The following CNIH3 variants were observed in gnomAD, a reference collection of about 807,000 sequenced individuals.
The protein encoded by CNIH3 is protein cornichon homolog 3.
Under a neutral mutation model 24.1 loss-of-function variants are expected in CNIH3, and 14 were observed. The ratio of observed to expected loss-of-function variants is 0.58; its 90% CI spans 0.38 to 0.91. CNIH3 has a LOEUF of 0.91. CNIH3 is among the 40% of genes least tolerant of loss of function. CNIH3 has a pLI of 0.00. For synonymous variants in CNIH3, 68 were observed against 73.8 expected (o/e 0.92, Z 0.40); for missense variants, 178 against 196.8 (o/e 0.90, Z 0.57).
In CNIH3 at chr1:224,684,236, C is replaced by G. The variant is rs1369642835; in HGVS notation, c.151-560C>G. ...GCAGTGAGCCAGGCCTTGACAGACT[C>G]GAACTTCTTAAAAAGCCTTAGCCTG... On this transcript the variant is annotated intron_variant, in intron 2 of 5. Coordinates refer to ENST00000272133, the MANE Select transcript of CNIH3 (RefSeq NM_152495.2). The surrounding 1 kb of genome is among the most constrained non-coding windows in gnomAD (Gnocchi z 4.2). Among the ~76,000 whole-genome samples, 1 of 152,234 alleles carries G rather than the reference C, an allele frequency of 6.6e-6. No homozygotes were observed. Among genetic ancestry groups the G allele is most frequent in the Admixed American group, 6.5e-5 (1 of 15,292 alleles).
chr1:224,738,415 C>T (rs1230520098), intron 5 of CNIH3, among the ~76,000 whole-genome samples: 18 of 152,140 alleles, frequency 1.2e-4, no homozygotes, highest in Non-Finnish European at 1.8e-4. Flanking sequence ...CAGGTCTGAC[C>T]AGTGGTTCTC....
At chr1:224,607,827 A>T (rs959911295) in intron 3 of CNIH3, among the ~76,000 whole-genome samples, 1 of 152,164 alleles carries the variant, frequency 6.6e-6, no homozygotes, top group Non-Finnish European at 1.5e-5. Context: ...CCCAGTTCCC[A>T]GCTTGCCCTT....
intron 1 of CNIH3, among the ~76,000 whole-genome samples, chr1:224,643,716 G>C (rs1413468731): frequency 6.6e-6 from 1 of 152,230 alleles, no homozygotes; most frequent in Non-Finnish European, 1.5e-5. Context: ...GGGGAACAGG[G>C]ACTCAGCAGA....
chr1:224,470,988 C>T (rs1676346060), intron 1 of CNIH3, among the ~76,000 whole-genome samples: 1 of 152,022 alleles, frequency 6.6e-6, no homozygotes, highest in Non-Finnish European at 1.5e-5. Context: ...TAAAAGTGTA[C>T]AATTAAATTA....
chr1:224,533,007 A>G (rs981610612), intron 2 of CNIH3, among the ~76,000 whole-genome samples: 1 of 152,228 alleles, frequency 6.6e-6, no homozygotes, highest in Non-Finnish European at 1.5e-5. Context: ...CATTTATGTA[A>G]TAAATATTAT....
intron 1 of CNIH3, among the ~76,000 whole-genome samples, chr1:224,641,884 A>G (rs894128066): frequency 1.3e-5 from 2 of 152,214 alleles, no homozygotes; most frequent in Non-Finnish European, 2.9e-5. Context: ...CTCAAGTTGT[A>G]TTTGTAAAAC....
intron 1 of CNIH3, among the ~76,000 whole-genome samples, chr1:224,619,066 C>A (rs766620753): frequency 6.6e-6 from 1 of 152,216 alleles, no homozygotes; most frequent in Non-Finnish European, 1.5e-5. Context: ...TGCAATACTT[C>A]ATTTGCTGTT....
intron 1 of CNIH3, among the ~76,000 whole-genome samples, chr1:224,452,085 C>T (rs1675422452): frequency 6.6e-6 from 1 of 151,884 alleles, no homozygotes; most frequent in Non-Finnish European, 1.5e-5. Flanking sequence ...GAAATTCCTC[C>T]ATGTTGCACT....
intron 3 of CNIH3, among the ~76,000 whole-genome samples, chr1:224,557,702 T>C (rs58166431): frequency 0.11 from 17,288 of 151,958 alleles, 3,110 homozygotes; most frequent in African/African-American, 0.38. Flanking sequence ...AATGATCCAC[T>C]TGCCTCGGCC....
intron 1 of CNIH3, among the ~76,000 whole-genome samples, chr1:224,457,532 T>C (rs1675727877): frequency 6.6e-6 from 1 of 150,678 alleles, no homozygotes; most frequent in Admixed American, 6.6e-5. Flanking sequence ...TTTTTTTTTT[T>C]TGTCTGTAGC....
intron 5 of CNIH3, among the ~76,000 whole-genome samples, chr1:224,737,258 C>G (rs938361210): frequency 6.6e-6 from 1 of 152,080 alleles, no homozygotes; most frequent in African/African-American, 2.4e-5. Context: ...GGCAGCTCCT[C>G]TCGGTTAGAT....
intron 1 of CNIH3, among the ~76,000 whole-genome samples, chr1:224,503,043 G>C (rs1005599422): frequency 6.6e-6 from 1 of 151,830 alleles, no homozygotes; most frequent in Non-Finnish European, 1.5e-5. Context: ...TCCCGGGGAG[G>C]GAGGGAGGGA....
downstream of CNIH3, among the ~76,000 whole-genome samples, chr1:224,541,227 G>A (rs370637244): frequency 3.9e-5 from 6 of 152,202 alleles, no homozygotes; most frequent in Admixed American, 2.0e-4. Context: ...GATGAGTACC[G>A]TGGTGGAGAT....
At chr1:224,501,118 A>G (rs1677647270) in intron 1 of CNIH3, among the ~76,000 whole-genome samples, 1 of 151,976 alleles carries the variant, frequency 6.6e-6, no homozygotes, top group Non-Finnish European at 1.5e-5. Flanking sequence ...TCTACTCTCT[A>G]AAGCATATCA....
chr1:224,616,343 G>GGCGGCGGCGGCGGCGGCGGCGGCGGCA lies in CNIH3; in HGVS notation c.-827_-826insGGCGGCGGCGGCGGCGGCGGCAGCGGC, dbSNP rs554519229. 15 of 492,572 alleles carry GGCGGCGGCGGCGGCGGCGGCGGCGGCA rather than the reference G, an allele frequency of 3.0e-5. 1 individual carries two copies. Among genetic ancestry groups the GGCGGCGGCGGCGGCGGCGGCGGCGGCA allele is most frequent in the African/African-American group, 2.8e-4 (13 of 46,834 alleles). The allele number at this position is 492,572 out of a possible 1,614,324, so 30.5% of individuals were successfully genotyped here. On this transcript the variant is annotated 5_prime_UTR_variant, in exon 1 of 6. Coordinates refer to ENST00000272133, the MANE Select transcript of CNIH3 (RefSeq NM_152495.2). ...CAGTGGCAAAGGCGGCGGCGGCGGC[G>GGCGGCGGCGGCGGCGGCGGCGGCGGCA]GCGGCAGCGGCAGCAGCAGGTGGAG...
At chr1:224,515,421 A>G (rs1678340218), upstream of CNIH3, among the ~76,000 whole-genome samples, 1 of 152,232 alleles carries the variant, frequency 6.6e-6, no homozygotes, top group African/African-American at 2.4e-5. Context: ...TTGTCAGCTA[A>G]TATCTTGAGC....
At chr1:224,666,713 T>A (rs61603030) in intron 1 of CNIH3, among the ~76,000 whole-genome samples, 37,489 of 152,130 alleles carry the variant, frequency 0.25, 4,900 homozygotes, top group East Asian at 0.36. Flanking sequence ...AACCACTGCA[T>A]TTTAGAAGTT....
At chr1:224,469,141 T>G (rs1378385827) in intron 1 of CNIH3, among the ~76,000 whole-genome samples, 2 of 152,132 alleles carry the variant, frequency 1.3e-5, no homozygotes, top group Non-Finnish European at 2.9e-5. Flanking sequence ...AGTTTAGTGG[T>G]GCAATCATGG....
chr1:224,666,032 C>T (rs1685583667), intron 1 of CNIH3, among the ~76,000 whole-genome samples: 1 of 152,116 alleles, frequency 6.6e-6, no homozygotes, highest in Non-Finnish European at 1.5e-5. Flanking sequence ...TGGCAGCTTT[C>T]CCAAGGAGTT....
Sources: allele counts gnomAD v4.1 joint callset (sites outside exome capture counted in the v4.1 genomes callset), GRCh38; gene constraint gnomAD v4.1.1; non-coding constraint Gnocchi (gnomAD v3.1); transcripts MANE v1.5; gene names NCBI Gene and HGNC (gene_info 2026-07-23, HGNC 2026-07-21).